Variants in EYA2 observed in about 807,000 individuals in gnomAD.
EYA2 encodes EYA transcriptional coactivator and phosphatase 2.
A neutral mutation model predicts 69.2 loss-of-function variants in EYA2; 31 were observed. The ratio of observed to expected loss-of-function variants is 0.45; its 90% CI spans 0.34 to 0.60. The LOEUF (loss-of-function observed/expected upper bound fraction) is 0.60. Ranked by LOEUF, EYA2 falls within the 20% of genes least tolerant of loss-of-function variation. The pLI is 0.02. For missense variants in EYA2, 622 were observed against 701.2 expected (o/e 0.89, Z 1.28); for synonymous variants, 257 against 279.4 (o/e 0.92, Z 0.80).
In EYA2 at chr20:47,173,797, G is replaced by A. The variant is rs115613829; in HGVS notation, c.1198+930G>A. Among the ~76,000 whole-genome samples the A allele has an allele frequency of 2.0e-3, 311 of 152,242 alleles. 1 individual carries two copies. The highest frequency in any genetic ancestry group is 7.3e-3 in the African/African-American group (304 of 41,532). ...GTTGAAGAAGCCCTAGAAGTCACTG[G>A]TTCTCACACGTGGCTCTCATTGGAA... On this transcript the variant is annotated intron_variant, in intron 12 of 15. Transcript: ENST00000327619.
In EYA2 at chr20:47,166,743, G is replaced by A. The variant is rs932095258; in HGVS notation, c.979-2396G>A. On this transcript the variant is annotated intron_variant, in intron 10 of 15. Coordinates refer to ENST00000327619, the MANE Select transcript of EYA2 (RefSeq NM_005244.5). ...TCTCGGTGCTCTCATGCAGCATCTC[G>A]CTTCTCCTCACCTCATCTGGAGGTG... 2.2e-4 allele frequency among the ~76,000 whole-genome samples: 34 copies of A among 152,008 alleles called. 1 individual carries two copies. Among genetic ancestry groups the A allele is most frequent in the Admixed American group, 1.6e-3 (24 of 15,266 alleles).
intron 1 of EYA2, among the ~76,000 whole-genome samples, chr20:46,905,406 T>C (rs973830261): frequency 1.3e-5 from 2 of 152,220 alleles, no homozygotes; most frequent in Non-Finnish European, 1.5e-5. Flanking sequence ...ACCAGTTATT[T>C]ATGATCTATT....
At chr20:47,049,860 A>ACCCCCCCCCCCC (rs57648069) in intron 5 of EYA2, among the ~76,000 whole-genome samples, 2 of 126,254 alleles carry the variant, frequency 1.6e-5, no homozygotes, top group Non-Finnish European at 3.3e-5. Context: ...TCTGTGACAG[A>ACCCCCCCCCCCC]CCCCCCCCCC....
chr20:46,956,427 CAG>C (rs1432861735), intron 1 of EYA2, among the ~76,000 whole-genome samples: 1 of 152,210 alleles, frequency 6.6e-6, no homozygotes, highest in Non-Finnish European at 1.5e-5. Flanking sequence ...GGACCAGTAA[CAG>C]TGTTCCTGGT....
intron 5 of EYA2, among the ~76,000 whole-genome samples, chr20:47,042,093 T>G (rs2146417769): frequency 6.6e-6 from 1 of 152,348 alleles, no homozygotes; most frequent in Non-Finnish European, 1.5e-5. Context: ...GTGAAAGATG[T>G]TCTCCTTAAC....
At chr20:47,185,227 CTCTT>C (rs951066038) in intron 15 of EYA2, among the ~76,000 whole-genome samples, 2 of 144,410 alleles carry the variant, frequency 1.4e-5, no homozygotes, top group Non-Finnish European at 3.0e-5. Context: ...CTAGAACATT[CTCTT>C]TCTTCCACCT....
At chr20:46,962,333 G>A (rs1711539948) in intron 1 of EYA2, among the ~76,000 whole-genome samples, 1 of 152,188 alleles carries the variant, frequency 6.6e-6, no homozygotes, top group South Asian at 2.1e-4. Flanking sequence ...AGTCAGAGCA[G>A]ATTTTGAATG....
intron 5 of EYA2, among the ~76,000 whole-genome samples, chr20:47,066,405 C>A (rs1443592934): frequency 6.6e-6 from 1 of 152,080 alleles, no homozygotes; most frequent in Non-Finnish European, 1.5e-5. Flanking sequence ...AACCAATCAA[C>A]CAAAAATGGT....
intron 2 of EYA2, 121 bp from the exon 3 acceptor site, chr20:47,001,307 G>A: frequency 1.2e-6 from 1 of 836,910 alleles, no homozygotes; most frequent in Non-Finnish European, 2.1e-6. Context: ...CTGTGGTGGA[G>A]AAAGCCGCGG....
chr20:47,187,771 A>G (rs2034674851), intron 15 of EYA2, among the ~76,000 whole-genome samples: 1 of 152,250 alleles, frequency 6.6e-6, no homozygotes, highest in East Asian at 1.9e-4. Flanking sequence ...GCACCGCCTA[A>G]GACCACGCTG....
intron 10 of EYA2, among the ~76,000 whole-genome samples, chr20:47,166,393 T>TTAAAAAAAAAAAAAAAAAAAA (rs1555806208): frequency 2.9e-5 from 1 of 34,478 alleles, no homozygotes; most frequent in Non-Finnish European, 7.0e-5. Context: ...CAAGACTGTC[T>TTAAAAAAAAAAAAAAAAAAAA]AAAAAAAAAA....
intron 5 of EYA2, among the ~76,000 whole-genome samples, chr20:47,049,068 C>T (rs1364099738): frequency 6.6e-6 from 1 of 152,236 alleles, no homozygotes; most frequent in Non-Finnish European, 1.5e-5. Context: ...GGCACTAAGT[C>T]ACTTGCACAG....
At chr20:47,033,544 T>C (rs1223544741) in intron 5 of EYA2, among the ~76,000 whole-genome samples, 2 of 152,210 alleles carry the variant, frequency 1.3e-5, no homozygotes, top group African/African-American at 4.8e-5. Context: ...TATGGCTGCC[T>C]TTAGTGCTGT....
intron 1 of EYA2, among the ~76,000 whole-genome samples, chr20:46,988,536 T>C (rs1981443757): frequency 6.6e-6 from 1 of 152,152 alleles, no homozygotes; most frequent in Non-Finnish European, 1.5e-5. Flanking sequence ...TTGCCAAGGA[T>C]GACCTTATGA....
chr20:47,097,391 G>A (rs1300510581), intron 9 of EYA2, among the ~76,000 whole-genome samples: 4 of 152,084 alleles, frequency 2.6e-5, no homozygotes, highest in African/African-American at 9.7e-5. Flanking sequence ...TTCTTCCAAC[G>A]TTTGAAGCAA....
chr20:47,184,532 T>C (rs6018328), intron 15 of EYA2, among the ~76,000 whole-genome samples: 84,294 of 149,906 alleles, frequency 0.56, 25,532 homozygotes, highest in African/African-American at 0.81. Context: ...ATCTTCCCAC[T>C]TCCACCTCTA....
intron 9 of EYA2, among the ~76,000 whole-genome samples, chr20:47,134,690 A>T (rs957764962): frequency 6.6e-6 from 1 of 152,184 alleles, no homozygotes; most frequent in Admixed American, 6.5e-5. Flanking sequence ...AACTTTTCCT[A>T]TAAAGGGATA....
chr20:46,969,260 C>A (rs1183244032), intron 1 of EYA2, among the ~76,000 whole-genome samples: 1 of 152,002 alleles, frequency 6.6e-6, no homozygotes, highest in Non-Finnish European at 1.5e-5. Flanking sequence ...CTTAGTCACC[C>A]AGACTGGAGT....
intron 1 of EYA2, among the ~76,000 whole-genome samples, chr20:46,913,960 G>T (rs952150723): frequency 1.3e-5 from 2 of 152,206 alleles, no homozygotes; most frequent in African/African-American, 4.8e-5. Context: ...GCCCAAGGTG[G>T]CCCTGCTGGT....
Sources: gnomAD v4.1 joint callset for allele counts (sites outside exome capture counted in the v4.1 genomes callset) on GRCh38, gnomAD v4.1.1 for gene constraint, MANE v1.5 for transcripts, NCBI Gene and HGNC (gene_info 2026-07-23, HGNC 2026-07-21) for gene names.